The following CRYL1 variants were observed in gnomAD, a reference collection of about 807,000 sequenced individuals.
CRYL1 encodes the protein lambda-crystallin homolog.
CRYL1 carries 29 observed loss-of-function variants against 36.6 expected under a neutral mutation model. That is an observed-to-expected ratio of 0.79 (90% CI 0.59 to 1.08). CRYL1 has a LOEUF of 1.08. CRYL1 is among the 50% of genes least tolerant of loss of function. The probability of loss-of-function intolerance (pLI) is 0.00; values close to 1 mark genes in which losing one functional copy is unlikely to be tolerated. For missense variants in CRYL1, 411 were observed against 407.9 expected, an observed-to-expected ratio of 1.01 and a Z score of -0.06; for synonymous variants, 152 against 151.5, an observed-to-expected ratio of 1.00 and a Z score of -0.02.
At chr13:20,476,744 C>G (rs762615813) in intron 3 of CRYL1, 1 of 152,294 alleles carries the variant, frequency 6.6e-6, no homozygotes, top group Non-Finnish European at 1.5e-5. Flanking sequence ...GCAGGCTCAG[C>G]AGGGCGAGGT....
intron 5 of CRYL1, among the ~76,000 whole-genome samples, chr13:20,421,675 C>T (rs1469604132): frequency 6.6e-6 from 1 of 152,132 alleles, no homozygotes; most frequent in Non-Finnish European, 1.5e-5. Flanking sequence ...TACCCCTGGC[C>T]TGTTAACTTC....
Position 20,489,455 on chromosome 13 carries a change from C to A in CRYL1, c.191G>T (p.Gly64Val). 3.7e-6 allele frequency: 6 copies of A among 1,613,512 alleles called. No individual in the cohort carries two copies. The highest frequency in any genetic ancestry group is 5.1e-6 in the Non-Finnish European group (6 of 1,180,000). ...CAGCTGCTCTTCCACACTCAGGGAG[C>A]CTTTCAGAGAACCTGCCTGCTCCAG... ...KLLEQAGSLK[G>V]SLSVEEQLSL... The change falls in exon 3 of 8, where the codon GGC becomes GTC. Residue 64 changes from glycine (G) to valine (V), a missense_variant. Gly to Val is a moderately radical substitution (Grantham distance 109). Transcript: ENST00000298248.
intron 3 of CRYL1, among the ~76,000 whole-genome samples, chr13:20,456,492 A>AAAAG (rs1555228946): frequency 1.3e-5 from 2 of 151,354 alleles, no homozygotes; most frequent in Non-Finnish European, 2.9e-5. Context: ...AAAAAAAAAA[A>AAAAG]AAAAGAAAAG....
chr13:20,424,336 T>A (rs936371417), intron 5 of CRYL1, among the ~76,000 whole-genome samples: 2 of 151,996 alleles, frequency 1.3e-5, no homozygotes, highest in Non-Finnish European at 2.9e-5. Flanking sequence ...TGGACTCTGT[T>A]GGAAAGGAGC....
At chr13:20,431,049 C>T in intron 5 of CRYL1, 2 of 985,464 alleles carry the variant, frequency 2.0e-6, no homozygotes, top group Non-Finnish European at 2.4e-6. Context: ...GTGGCAAATG[C>T]ACCCGGCAGT....
At chr13:20,524,408 G>A (rs1400034230) in intron 1 of CRYL1, among the ~76,000 whole-genome samples, 2 of 150,462 alleles carry the variant, frequency 1.3e-5, no homozygotes, top group East Asian at 2.0e-4. Context: ...ACGGAGTTTC[G>A]CTCTTATTGC....
At chr13:20,404,301 T>A in intron 7 of CRYL1, 59 bp from the exon 8 acceptor site, 3 of 1,146,514 alleles carry the variant, frequency 2.6e-6, no homozygotes, top group Non-Finnish European at 3.9e-6. Context: ...ATCAAGAGTG[T>A]AATTATTGCT....
At chr13:20,448,984 AT>A (rs2032511794) in intron 3 of CRYL1, among the ~76,000 whole-genome samples, 1 of 152,220 alleles carries the variant, frequency 6.6e-6, no homozygotes, top group African/African-American at 2.4e-5. Flanking sequence ...CCTGGCCAAC[AT>A]GGTGAAACCC....
intron 3 of CRYL1, among the ~76,000 whole-genome samples, chr13:20,456,795 G>T (rs2032702999): frequency 6.6e-6 from 1 of 152,126 alleles, no homozygotes; most frequent in Non-Finnish European, 1.5e-5. Context: ...CTTCCTGGGT[G>T]ACCCAGCACA....
At chr13:20,479,227 A>T (rs7321826) in intron 3 of CRYL1, among the ~76,000 whole-genome samples, 116,080 of 152,162 alleles carry the variant, frequency 0.76, 44,639 homozygotes, top group African/African-American at 0.85. Context: ...AATGTTTTCA[A>T]GTAACACTTT....
rs9552191 is a variant in CRYL1, at chr13:20,463,763, G to A, written c.277-24009C>T. ...GATACCAAGTGCTGAAGAAGATATGGAGAAATGAAAACTCAATACATTTAG... is the reference window on the plus strand; with the variant it reads ...GATACCAAGTGCTGAAGAAGATATGAAGAAATGAAAACTCAATACATTTAG... On this transcript the variant is annotated intron_variant, in intron 3 of 7. Coordinates refer to ENST00000298248, the MANE Select transcript of CRYL1 (RefSeq NM_015974.3). Among the ~76,000 whole-genome samples, 21,370 of 152,168 alleles carry A rather than the reference G, an allele frequency of 0.14. 1,949 individuals are homozygous for A. Among genetic ancestry groups the A allele is most frequent in the Non-Finnish European group, 0.19 (12,599 of 67,990 alleles).
rs56087130 is a variant in CRYL1 at position 20,439,514 on chromosome 13, C to CAAAAAAAAAAA, written c.438+68_438+78dup. 746 of 331,694 alleles carry CAAAAAAAAAAA rather than the reference C, an allele frequency of 2.2e-3. 28 individuals are homozygous for CAAAAAAAAAAA. The highest frequency in any genetic ancestry group is 8.2e-3 in the East Asian group (97 of 11,848). 20.5% of individuals were successfully genotyped at this position (331,694 alleles called of 1,614,324 possible). A position where few individuals can be genotyped will look rare whatever the true frequency, so the allele number is the denominator to read the frequency against. On this transcript the variant is annotated intron_variant, in intron 4 of 7. Coordinates refer to ENST00000298248, the MANE Select transcript of CRYL1 (RefSeq NM_015974.3). Reference sequence around the variant, plus strand: ...ACAAGTTATTGACCCCCCTCCCCCGCAAAAAAAAAAAAAAAAGAAAAAAAA... The same window carrying CAAAAAAAAAAA: ...ACAAGTTATTGACCCCCCTCCCCCGCAAAAAAAAAAAAAAAAAAAAAAAAAAAGAAAAAAAA...
intron 4 of CRYL1, among the ~76,000 whole-genome samples, chr13:20,438,378 G>A (rs560671960): frequency 6.6e-6 from 1 of 152,144 alleles, no homozygotes; most frequent in South Asian, 2.1e-4. Flanking sequence ...TCTCTGACCC[G>A]TCTTCATCCC....
At chr13:20,443,421 T>TCTCA (rs1297898866) in intron 3 of CRYL1, among the ~76,000 whole-genome samples, 1 of 152,092 alleles carries the variant, frequency 6.6e-6, no homozygotes, top group Non-Finnish European at 1.5e-5. Context: ...TGAGATGGAG[T>TCTCA]CTCACTCTGT....
Position 20,525,610 on chromosome 13 carries a change from CCGCAGGG to C in CRYL1, c.41+137_41+143del. The C allele has an allele frequency of 4.7e-6, 3 of 644,248 alleles. No individual in the cohort carries two copies. The highest frequency in any genetic ancestry group is 4.4e-6 in the Non-Finnish European group (2 of 456,912). The allele number at this position is 644,248 out of a possible 1,614,324, so 39.9% of individuals were successfully genotyped here. A position where few individuals can be genotyped will look rare whatever the true frequency, so the allele number is the denominator to read the frequency against. On this transcript the variant is annotated intron_variant, in intron 1 of 7. Transcript: ENST00000298248. The surrounding 1 kb of genome is among the most constrained non-coding windows in gnomAD (Gnocchi z 4.3). ...CCCGAGCCCGCCAGCGCCGTAGGGG[CCGCAGGG>C]CGCAGGGCTTCGGAGGACCGGAGGC...
intron 2 of CRYL1, chr13:20,502,266 C>T (rs190938631): frequency 2.0e-5 from 3 of 152,452 alleles, no homozygotes; most frequent in East Asian, 3.9e-4. Flanking sequence ...TACCTTCTGT[C>T]GCACAGGAGG....
chr13:20,445,124 T>C (rs1275380913), intron 3 of CRYL1, among the ~76,000 whole-genome samples: 7 of 152,206 alleles, frequency 4.6e-5, no homozygotes, highest in Non-Finnish European at 7.3e-5. Context: ...AAAAAGTTTA[T>C]GTGAAGGACA....
chr13:20,524,180 G>C (rs1220750641), intron 1 of CRYL1, among the ~76,000 whole-genome samples: 1 of 152,174 alleles, frequency 6.6e-6, no homozygotes, highest in Non-Finnish European at 1.5e-5. Flanking sequence ...CCATGATAGT[G>C]CCACTGCACT....
At chr13:20,449,696 G>A (rs11620407) in intron 3 of CRYL1, among the ~76,000 whole-genome samples, 45,012 of 151,828 alleles carry the variant, frequency 0.3, 7,507 homozygotes, top group Admixed American at 0.39. Flanking sequence ...AGAAAACCCT[G>A]AAGACTCCAT....
Sources: gnomAD v4.1 joint callset for allele counts (sites outside exome capture counted in the v4.1 genomes callset) on GRCh38, gnomAD v4.1.1 for gene constraint, Gnocchi (gnomAD v3.1) non-coding constraint, MANE v1.5 for transcripts, NCBI Gene and HGNC (gene_info 2026-07-23, HGNC 2026-07-21) for gene names.